Variants in DLC1 observed in about 807,000 individuals in gnomAD.
The protein encoded by DLC1 is rho GTPase-activating protein 7.
Under a neutral mutation model 140.3 loss-of-function variants are expected in DLC1, and 54 were observed. The ratio of observed to expected loss-of-function variants is 0.38; its 90% CI spans 0.31 to 0.48. The LOEUF is 0.48. Among genes scored for constraint, DLC1 ranks in the 20% least tolerant of loss-of-function variants. DLC1 has a pLI of 0.96. For synonymous variants in DLC1, 986 were observed against 728.1 expected (o/e 1.35, Z -5.70); for missense variants, 2,536 against 1,907.0 (o/e 1.33, Z -6.14).
intron 4 of DLC1, chr8:13,342,004 A>C (rs1428503142): frequency 6.6e-6 from 1 of 152,212 alleles, no homozygotes; most frequent in Non-Finnish European, 1.5e-5. Flanking sequence ...ATGCTCTTTA[A>C]ATGAAAATGC....
At chr8:13,181,833 A>G (rs1319072549) in intron 5 of DLC1, among the ~76,000 whole-genome samples, 6 of 152,274 alleles carry the variant, frequency 3.9e-5, no homozygotes, top group Non-Finnish European at 7.4e-5. Context: ...ATGATTTATA[A>G]TCCTTTGGGT....
chr8:13,469,110 C>T (rs185322460), intron 2 of DLC1, among the ~76,000 whole-genome samples: 88 of 152,228 alleles, frequency 5.8e-4, no homozygotes, highest in African/African-American at 1.8e-3. Flanking sequence ...TGAGCCACCG[C>T]GCCCAGCCTG....
chr8:13,462,152 C>T (rs1468648448), intron 2 of DLC1, among the ~76,000 whole-genome samples: 1 of 152,144 alleles, frequency 6.6e-6, no homozygotes, highest in Non-Finnish European at 1.5e-5. Context: ...CAAGGCCAGA[C>T]GCCTCATGGT....
chr8:13,144,543 A>G (rs917958606), intron 5 of DLC1, among the ~76,000 whole-genome samples: 1 of 152,142 alleles, frequency 6.6e-6, no homozygotes, highest in Non-Finnish European at 1.5e-5. Flanking sequence ...AGGCAGGCAG[A>G]TCACGAGATC....
intron 1 of DLC1, among the ~76,000 whole-genome samples, chr8:13,602,317 A>T (rs1415268490): frequency 6.6e-6 from 1 of 151,790 alleles, no homozygotes; most frequent in Non-Finnish European, 1.5e-5. Flanking sequence ...CCTTATTTGG[A>T]TGCTGATTTA....
At chr8:13,512,577 T>G (rs1802425581) in intron 1 of DLC1, among the ~76,000 whole-genome samples, 1 of 152,100 alleles carries the variant, frequency 6.6e-6, no homozygotes, top group Non-Finnish European at 1.5e-5. Context: ...CTTAGGCTTT[T>G]TATATATTTA....
chr8:13,417,382 C>A (rs1838116091), intron 2 of DLC1, among the ~76,000 whole-genome samples: 1 of 148,488 alleles, frequency 6.7e-6, no homozygotes, highest in Non-Finnish European at 1.5e-5. Flanking sequence ...ACAACAGTCC[C>A]CAGAGTGTGA....
intron 2 of DLC1, among the ~76,000 whole-genome samples, chr8:13,474,687 C>A (rs960926695): frequency 1.3e-5 from 2 of 152,188 alleles, no homozygotes; most frequent in South Asian, 4.1e-4. Context: ...CTTGCACCAG[C>A]CTCATCTGGA....
At chr8:13,574,392 A>C (rs1200987158) in intron 1 of DLC1, among the ~76,000 whole-genome samples, 1 of 152,164 alleles carries the variant, frequency 6.6e-6, no homozygotes, top group East Asian at 1.9e-4. Context: ...GCTCAAACTT[A>C]ATATATGTTT....
chr8:13,306,495 A>G (rs2117525658), intron 4 of DLC1, among the ~76,000 whole-genome samples: 1 of 151,992 alleles, frequency 6.6e-6, no homozygotes, highest in Middle Eastern at 3.4e-3. Context: ...TTCTTCAGGG[A>G]CAACATCCTC....
chr8:13,376,401 G>A (rs548402993), intron 4 of DLC1, among the ~76,000 whole-genome samples: 1 of 152,072 alleles, frequency 6.6e-6, no homozygotes, highest in African/African-American at 2.4e-5. Flanking sequence ...AATCTTCTGC[G>A]TGACTTGGTG....
chr8:13,108,717 A>C (rs906394504), intron 7 of DLC1, among the ~76,000 whole-genome samples: 1 of 152,164 alleles, frequency 6.6e-6, no homozygotes, highest in Non-Finnish European at 1.5e-5. Context: ...GTAATGCTTA[A>C]ATATTTCCTA....
intron 12 of DLC1, among the ~76,000 whole-genome samples, chr8:13,093,902 T>C (rs187147737): frequency 3.1e-4 from 47 of 152,368 alleles, no homozygotes; most frequent in African/African-American, 1.1e-3. Context: ...ATCTTGATCA[T>C]TAATTTCGAC....
At chr8:13,118,213 A>T (rs566294057) in intron 5 of DLC1, among the ~76,000 whole-genome samples, 1 of 152,220 alleles carries the variant, frequency 6.6e-6, no homozygotes, top group East Asian at 1.9e-4. Context: ...AACAAATAAA[A>T]TGACTCCAAA....
At chr8:13,173,582 G>C (rs1264540905) in intron 5 of DLC1, among the ~76,000 whole-genome samples, 1 of 152,184 alleles carries the variant, frequency 6.6e-6, no homozygotes, top group Admixed American at 6.5e-5. Context: ...TTGGTGGCCA[G>C]AATGGCCTCG....
At chr8:13,302,167 C>G (rs73663533) in intron 5 of DLC1, among the ~76,000 whole-genome samples, 2 of 152,174 alleles carry the variant, frequency 1.3e-5, no homozygotes, top group Non-Finnish European at 2.9e-5. Flanking sequence ...GATTCCTTGC[C>G]TGGGAAGCTT....
chr8:13,342,217 A>G (rs983923802), intron 4 of DLC1: 4 of 152,348 alleles, frequency 2.6e-5, no homozygotes, highest in Admixed American at 1.3e-4. Flanking sequence ...CTTTATTTAC[A>G]AACTATTCAA....
intron 2 of DLC1, among the ~76,000 whole-genome samples, chr8:13,422,593 A>C (rs1226217955): frequency 1.3e-5 from 2 of 152,130 alleles, no homozygotes; most frequent in Non-Finnish European, 2.9e-5. Context: ...AGTCTCTTTG[A>C]ATGTTTTAGT....
intron 1 of DLC1, among the ~76,000 whole-genome samples, chr8:13,597,259 T>C (rs540661424): frequency 6.6e-6 from 1 of 152,162 alleles, no homozygotes; most frequent in South Asian, 2.1e-4. Flanking sequence ...ATATCTCACA[T>C]TTTATTGCAA....
Sources: allele counts gnomAD v4.1 joint callset (sites outside exome capture counted in the v4.1 genomes callset), GRCh38; gene constraint gnomAD v4.1.1; transcripts MANE v1.5; gene names NCBI Gene and HGNC (gene_info 2026-07-23, HGNC 2026-07-21).